The following RPRD1B variants were observed in gnomAD, a reference collection of about 807,000 sequenced individuals.
The protein encoded by RPRD1B is regulation of nuclear pre-mRNA domain-containing protein 1B.
A neutral mutation model predicts 41.5 loss-of-function variants in RPRD1B; 11 were observed. The ratio of observed to expected loss-of-function variants is 0.27; its 90% CI spans 0.17 to 0.44. RPRD1B has a LOEUF of 0.44. Among genes scored for constraint, RPRD1B ranks in the 20% least tolerant of loss-of-function variants. RPRD1B has a pLI of 1.00. For missense variants in RPRD1B, 248 were observed against 389.9 expected, an observed-to-expected ratio of 0.64 and a Z score of 3.06; for synonymous variants, 158 against 155.6, an observed-to-expected ratio of 1.02 and a Z score of -0.12.
At chr20:38,048,788 A>G (rs2074148145) in intron 3 of RPRD1B, among the ~76,000 whole-genome samples, 1 of 152,218 alleles carries the variant, frequency 6.6e-6, no homozygotes, top group Admixed American at 6.5e-5. Context: ...GTTGTGGTGA[A>G]CTAGGAAGTA....
At chr20:38,084,668 C>T (rs1410207382) in intron 6 of RPRD1B, among the ~76,000 whole-genome samples, 1 of 152,114 alleles carries the variant, frequency 6.6e-6, no homozygotes, top group Non-Finnish European at 1.5e-5. Flanking sequence ...CTGGGTGCTC[C>T]GTGATGGGTG....
intron 4 of RPRD1B, among the ~76,000 whole-genome samples, chr20:38,058,234 C>T (rs1287044636): frequency 6.6e-6 from 1 of 152,004 alleles, no homozygotes; most frequent in Non-Finnish European, 1.5e-5. Context: ...CTTCAGAGCC[C>T]ATGCTCTTTT....
chr20:38,058,733 A>G (rs1747140387), intron 4 of RPRD1B, among the ~76,000 whole-genome samples: 1 of 152,112 alleles, frequency 6.6e-6, no homozygotes, highest in Non-Finnish European at 1.5e-5. Flanking sequence ...TTGAGACAGG[A>G]TCTTGCTCTG....
At position 38,063,459 on chromosome 20, in the gene RPRD1B, GT is replaced by G. The variant is rs1409361259; in HGVS notation, c.656-2618del. ...TCAAATTTGTTAAACTAATTGGAAG[GT>G]TTTGAGCAGAGGATTGGTGGGCATA... is the stretch of plus-strand genomic sequence containing the variant. On this transcript the variant is annotated intron_variant, in intron 5 of 6. Transcript: ENST00000373433. Among the ~76,000 whole-genome samples, 4 of 152,328 alleles carry G rather than the reference GT, an allele frequency of 2.6e-5. No homozygotes were observed. In the East Asian group the frequency reaches 7.7e-4, roughly 29 times the overall value.
rs904144220 is a variant in RPRD1B, at chr20:38,057,661, A to G, written c.528+17A>G. On this transcript the variant is annotated intron_variant, in intron 4 of 6. Transcript: ENST00000373433. ...CCCCTCTTGGTAGGTCTTGACCCCCAGAGAGTAGGGAACAGTGGCTTAAAG... is the reference window on the plus strand; with the variant it reads ...CCCCTCTTGGTAGGTCTTGACCCCCGGAGAGTAGGGAACAGTGGCTTAAAG... 5 of 1,567,540 alleles carry G rather than the reference A, an allele frequency of 3.2e-6. No homozygotes were observed. Among genetic ancestry groups the G allele is most frequent in the Non-Finnish European group, 4.4e-6 (5 of 1,137,844 alleles).
intron 1 of RPRD1B, among the ~76,000 whole-genome samples, chr20:38,038,778 G>C (rs148398381): frequency 6.6e-6 from 1 of 152,174 alleles, no homozygotes; most frequent in Admixed American, 6.5e-5. Context: ...GATTACAGGC[G>C]TGAGCCACTG....
rs970632347 is a variant in RPRD1B, at chr20:38,091,151, A to G, written c.*1276A>G. ...TGGCAGGCTTATTTTTGACATTGGA[A>G]AGGGCAGAAAGCGATTTGCCCCAGT... On this transcript the variant is annotated 3_prime_UTR_variant, in exon 7 of 7. Transcript: ENST00000373433. The G allele has an allele frequency of 1.0e-6, 1 of 985,806 alleles. No homozygotes were observed. Among genetic ancestry groups the G allele is most frequent in the South Asian group, 4.7e-5 (1 of 21,280 alleles). The allele number at this position is 985,806 out of a possible 1,614,324, so 61.1% of individuals were successfully genotyped here.
Position 38,048,332 on chromosome 20 carries a change from C to T in RPRD1B, c.282-16C>T. The T allele has an allele frequency of 6.2e-7, 1 of 1,605,652 alleles. No individual in the cohort carries two copies. Among genetic ancestry groups the T allele is most frequent in the Non-Finnish European group, 8.5e-7 (1 of 1,174,070 alleles). ...AATCTTAAGCTTATATATATCTTTT[C>T]ATCTTTTCTGGGCAGAGAGGCAGAT... On this transcript the variant is annotated splice_polypyrimidine_tract_variant and intron_variant, in intron 2 of 6. Coordinates refer to ENST00000373433, the MANE Select transcript of RPRD1B (RefSeq NM_021215.4).
At position 38,091,031 on chromosome 20, in the gene RPRD1B, G is replaced by T; in HGVS notation, c.*1156G>T. On this transcript the variant is annotated 3_prime_UTR_variant, in exon 7 of 7. Transcript: ENST00000373433. ...TTGGGGGTTTTAATTCTATTATCAT[G>T]TCAGCTGACATTATGACTATATAAT... 1.0e-6 allele frequency: 1 copy of T among 985,742 alleles called. No homozygotes were observed. The highest frequency in any genetic ancestry group is 1.2e-6 in the Non-Finnish European group (1 of 829,892). 61.1% of individuals were successfully genotyped at this position (985,742 alleles called of 1,614,324 possible).
At chr20:38,065,857 T>G (rs2074349343) in intron 5 of RPRD1B, 1 of 412,930 alleles carries the variant, frequency 2.4e-6, no homozygotes, top group African/African-American at 2.0e-5. Flanking sequence ...TCCCCCCATG[T>G]ACAGCTTCCT....
chr20:38,077,162 C>T (rs1049280208), intron 6 of RPRD1B, among the ~76,000 whole-genome samples: 15 of 151,920 alleles, frequency 9.9e-5, no homozygotes, highest in Non-Finnish European at 1.8e-4. Flanking sequence ...AGGAGATCCA[C>T]CCGCCTCAGC....
intron 6 of RPRD1B, chr20:38,070,622 C>G: frequency 1.0e-6 from 1 of 985,112 alleles, no homozygotes; most frequent in Non-Finnish European, 1.2e-6. Context: ...CAGACATGTT[C>G]TGTTAGCATG....
intron 4 of RPRD1B, among the ~76,000 whole-genome samples, chr20:38,057,910 T>TA (rs2074260534): frequency 6.6e-6 from 1 of 152,200 alleles, no homozygotes; most frequent in Admixed American, 6.5e-5. Flanking sequence ...GAATATTCTT[T>TA]AAAAATAGAT....
intron 1 of RPRD1B, among the ~76,000 whole-genome samples, chr20:38,040,229 C>T (rs1380955334): frequency 7.1e-6 from 1 of 140,912 alleles, no homozygotes; most frequent in Non-Finnish European, 1.5e-5. Context: ...ATGAAGATGG[C>T]CCATTCTTTT....
At chr20:38,051,093 TACA>T (rs1297180951) in intron 3 of RPRD1B, among the ~76,000 whole-genome samples, 1 of 152,226 alleles carries the variant, frequency 6.6e-6, no homozygotes, top group African/African-American at 2.4e-5. Flanking sequence ...TGACAGTTCT[TACA>T]ACATTAGAGA....
At chr20:38,076,247 T>C (rs767746874) in intron 6 of RPRD1B, among the ~76,000 whole-genome samples, 1 of 152,242 alleles carries the variant, frequency 6.6e-6, no homozygotes, top group African/African-American at 2.4e-5. Context: ...TTTTGGCTTT[T>C]TCCATTGAAG....
rs113537301 is a variant in RPRD1B, at chr20:38,061,873, G to A, written c.655+2353G>A. On this transcript the variant is annotated intron_variant, in intron 5 of 6. Transcript: ENST00000373433. ...ATAATGCCTCCTGACCCCCCACCCC[G>A]CAAACACCCATGTTTTAATCCACAG... is the stretch of plus-strand genomic sequence containing the variant. Among the ~76,000 whole-genome samples, 1,411 of 151,980 alleles carry A rather than the reference G, an allele frequency of 9.3e-3. 6 individuals carry two copies. The highest frequency in any genetic ancestry group is 0.044 in the Middle Eastern group (13 of 294).
intron 6 of RPRD1B, among the ~76,000 whole-genome samples, chr20:38,074,694 T>C (rs531483036): frequency 2.6e-5 from 4 of 152,316 alleles, no homozygotes; most frequent in Admixed American, 2.0e-4. Flanking sequence ...GGGCCTCTTA[T>C]TACTCCTGCC....
Position 38,033,998 on chromosome 20 carries a change from C to T in RPRD1B, c.51C>T (p.Ser17=). 6.2e-7 allele frequency: 1 copy of T among 1,614,058 alleles called. No individual in the cohort carries two copies. Among genetic ancestry groups the T allele is most frequent in the Non-Finnish European group, 8.5e-7 (1 of 1,179,936 alleles). Residue 17 remains serine, a synonymous_variant, in exon 1 of 7, where the codon AGC becomes AGT. Transcript: ENST00000373433. ...SALEKKLSEL[S]NSQQSVQTLS... is the part of the protein sequence containing the mutation. ...TGGAGAAGAAGCTCTCGGAGCTGAG[C>T]AACTCTCAGCAGAGCGTGCAGACCC...
Sources: allele counts gnomAD v4.1 joint callset (sites outside exome capture counted in the v4.1 genomes callset), GRCh38; gene constraint gnomAD v4.1.1; transcripts MANE v1.5; gene names NCBI Gene and HGNC (gene_info 2026-07-23, HGNC 2026-07-21).